Variants in SLC18A1 observed in about 807,000 individuals in gnomAD.
SLC18A1 encodes the protein solute carrier family 18 member A1, also known as chromaffin granule amine transporter.
In SLC18A1, 69 loss-of-function variants were observed where a neutral mutation model predicts 53.7. The observed-to-expected ratio is 1.28, with a 90% CI of 1.06 to 1.57. The LOEUF (loss-of-function observed/expected upper bound fraction) is 1.57. Among genes scored for constraint, SLC18A1 ranks in the 40% most tolerant of loss-of-function variants. The pLI is 0.00. For missense variants in SLC18A1, 932 were observed against 668.1 expected, an observed-to-expected ratio of 1.40 and a Z score of -4.35; for synonymous variants, 320 against 248.1, an observed-to-expected ratio of 1.29 and a Z score of -2.72.
intron 12 of SLC18A1, 63 bp from the exon 13 acceptor site, chr8:20,148,133 A>C: frequency 5.6e-6 from 8 of 1,428,284 alleles, no homozygotes; most frequent in Non-Finnish European, 7.9e-6. Context: ...GCAAGGTTCA[A>C]AGAGTTTTCA....
intron 10 of SLC18A1, among the ~76,000 whole-genome samples, chr8:20,161,736 T>G (rs1277478448): frequency 6.6e-6 from 1 of 152,178 alleles, no homozygotes; most frequent in African/African-American, 2.4e-5. Flanking sequence ...AAAACAATAT[T>G]ATGTCTTAAA....
At position 20,147,630 on chromosome 8, in the gene SLC18A1, C is replaced by G; in HGVS notation, c.1303G>C (p.Val435Leu). ...ATAGCAAAGCCCATGCAAAAAGCCA[C>G]ATCAGCGATGGCGTAGACACTCCCA... ...VYGSVYAIADVAFCMGFAIGP... is the reference protein window; with the variant it reads ...VYGSVYAIADLAFCMGFAIGP... Residue 435 changes from valine (V) to leucine (L), a missense_variant, in exon 14 of 16, where the codon GTG becomes CTG. Coordinates refer to ENST00000276373, the MANE Select transcript of SLC18A1 (RefSeq NM_003053.4). 1 of 1,614,150 alleles carries G rather than the reference C, an allele frequency of 6.2e-7. No homozygotes were observed. The highest frequency in any genetic ancestry group is 1.1e-5 in the South Asian group (1 of 91,068).
intron 12 of SLC18A1, 75 bp downstream of exon 12, chr8:20,149,601 T>A: frequency 8.5e-7 from 1 of 1,170,964 alleles, no homozygotes; most frequent in Non-Finnish European, 1.3e-6. Context: ...TCTCTCTCTC[T>A]CTCTCTCTCT....
At chr8:20,177,230 G>C (rs1359666347) in intron 4 of SLC18A1, among the ~76,000 whole-genome samples, 1 of 152,208 alleles carries the variant, frequency 6.6e-6, no homozygotes, top group Non-Finnish European at 1.5e-5. Flanking sequence ...GTAGTTCTCA[G>C]AGACAACCTC....
chr8:20,179,868 C>T (rs185774998), intron 2 of SLC18A1, among the ~76,000 whole-genome samples: 18 of 152,268 alleles, frequency 1.2e-4, no homozygotes, highest in Admixed American at 6.5e-4. Flanking sequence ...TGAGCTACCA[C>T]GACATTTCAC....
At chr8:20,167,438 T>C (rs1398989885) in intron 8 of SLC18A1, among the ~76,000 whole-genome samples, 2 of 151,966 alleles carry the variant, frequency 1.3e-5, no homozygotes, top group East Asian at 3.9e-4. Flanking sequence ...ATTTCTTACT[T>C]TGAAAGAAGA....
At chr8:20,146,681 A>G (rs2015202) in intron 15 of SLC18A1, among the ~76,000 whole-genome samples, 122,175 of 152,110 alleles carry the variant, frequency 0.8, 49,730 homozygotes, top group African/African-American at 0.94. Context: ...AAAATTAGCC[A>G]GACATGGTGG....
intron 8 of SLC18A1, among the ~76,000 whole-genome samples, chr8:20,168,256 A>G (rs1010373418): frequency 6.6e-6 from 1 of 151,608 alleles, no homozygotes; most frequent in African/African-American, 2.4e-5. Context: ...AGTCTCAGCT[A>G]CTCAAGAAGC....
At chr8:20,174,557 T>C in intron 4 of SLC18A1, 113 bp from the exon 5 acceptor site, 1 of 691,516 alleles carries the variant, frequency 1.4e-6, no homozygotes, top group Non-Finnish European at 2.6e-6. Context: ...CATATGTTTT[T>C]AATAAAGCAT....
intron 1 of SLC18A1, among the ~76,000 whole-genome samples, chr8:20,182,433 T>C (rs1047537877): frequency 2.6e-5 from 4 of 152,254 alleles, no homozygotes; most frequent in African/African-American, 7.2e-5. Flanking sequence ...TTCAACTTTA[T>C]CTCAATTGTC....
intron 8 of SLC18A1, among the ~76,000 whole-genome samples, chr8:20,167,934 TC>T (rs2072010548): frequency 6.6e-6 from 1 of 152,010 alleles, no homozygotes; most frequent in African/African-American, 2.4e-5. Context: ...TAGTTTGGTT[TC>T]TAAACACCAT....
At chr8:20,147,982 T>C in intron 13 of SLC18A1, 25 bp downstream of exon 13, 2 of 1,612,446 alleles carry the variant, frequency 1.2e-6, no homozygotes, top group Non-Finnish European at 1.7e-6. Flanking sequence ...AGGGGCTTAT[T>C]GTTTTCTTTG....
chr8:20,179,493 C>A lies in SLC18A1; in HGVS notation c.125-9G>T. On this transcript the variant is annotated splice_polypyrimidine_tract_variant and intron_variant, in intron 2 of 15. Transcript: ENST00000276373. ...GGTGGGCACAATTGGCACTGAAAGTCAAAGAGGACAGGTGATGGGGGCTAA... is the reference window on the plus strand; with the variant it reads ...GGTGGGCACAATTGGCACTGAAAGTAAAAGAGGACAGGTGATGGGGGCTAA... 2 of 1,602,866 alleles carry A rather than the reference C, an allele frequency of 1.2e-6. No homozygotes were observed. Among genetic ancestry groups the A allele is most frequent in the South Asian group, 1.1e-5 (1 of 89,368 alleles).
intron 4 of SLC18A1, 66 bp downstream of exon 4, chr8:20,178,369 C>T: frequency 3.8e-6 from 5 of 1,300,368 alleles, no homozygotes. Flanking sequence ...GCTATCTACA[C>T]CGCATTCACT....
At chr8:20,177,488 A>G (rs994151432) in intron 4 of SLC18A1, among the ~76,000 whole-genome samples, 1 of 152,172 alleles carries the variant, frequency 6.6e-6, no homozygotes, top group African/African-American at 2.4e-5. Flanking sequence ...GGGGCCTGTC[A>G]TGGAGTCGGG....
chr8:20,171,533 G>C, intron 6 of SLC18A1, 39 bp from the exon 7 acceptor site: 1 of 1,502,870 alleles, frequency 6.7e-7, no homozygotes, highest in Non-Finnish European at 9.3e-7. Context: ...AGAGGTGAGG[G>C]TGAGTCCTTT....
At chr8:20,178,776 C>T (rs938373040) in intron 3 of SLC18A1, among the ~76,000 whole-genome samples, 4 of 152,134 alleles carry the variant, frequency 2.6e-5, no homozygotes, top group Non-Finnish European at 4.4e-5. Context: ...ATCGTCAATA[C>T]AACTCCTGGG....
In SLC18A1 at chr8:20,180,988, C is replaced by G. The variant is rs199956357; in HGVS notation, c.-24G>C. 16 of 1,556,610 alleles carry G rather than the reference C, an allele frequency of 1.0e-5. No homozygotes were observed. In the East Asian group the frequency reaches 3.2e-4, roughly 31 times the overall value. On this transcript the variant is annotated 5_prime_UTR_variant, in exon 2 of 16. Transcript: ENST00000276373. ...ATGGTGATGGCCGGACTGGGGCAGT[C>G]TTCCCCTGCGGGCTCTTAGGGAAGG...
At chr8:20,147,496 T>C in intron 14 of SLC18A1, 105 bp from the exon 15 acceptor site, 1 of 1,577,742 alleles carries the variant, frequency 6.3e-7, no homozygotes, top group African/African-American at 1.3e-5. Flanking sequence ...AGAGGATGTC[T>C]CAGCGTCAAA....
Sources: allele counts gnomAD v4.1 joint callset (sites outside exome capture counted in the v4.1 genomes callset), GRCh38; gene constraint gnomAD v4.1.1; transcripts MANE v1.5; gene names NCBI Gene and HGNC (gene_info 2026-07-23, HGNC 2026-07-21).